The following RNF213 variants were observed in gnomAD, a reference collection of about 807,000 sequenced individuals.
RNF213 encodes ring finger protein 213, also known as E3 ubiquitin-protein ligase RNF213.
Under a neutral mutation model 514.4 loss-of-function variants are expected in RNF213, and 341 were observed. The observed-to-expected ratio is 0.66, with a 90% CI of 0.61 to 0.73. The LOEUF (loss-of-function observed/expected upper bound fraction) is 0.73, where lower values mean the gene tolerates loss of function less well. Ranked by LOEUF, RNF213 falls within the 30% of genes least tolerant of loss-of-function variation. The probability of loss-of-function intolerance (pLI) is 0.00; values close to 1 mark genes in which losing one functional copy is unlikely to be tolerated. For missense variants in RNF213, 5,767 were observed against 6,615.6 expected, an observed-to-expected ratio of 0.87 and a Z score of 4.45; for synonymous variants, 2,655 against 2,658.2, an observed-to-expected ratio of 1.00 and a Z score of 0.04.
chr17:80,381,517 G>A (rs369825556), intron 56 of RNF213, 30 bp from the exon 57 acceptor site: 53 of 1,612,222 alleles, frequency 3.3e-5, no homozygotes, highest in East Asian at 2.2e-4. Context: ...CCAGATCCCC[G>A]CTGAACACTC....
At chr17:80,391,338 T>C (rs1238671530) in intron 67 of RNF213, among the ~76,000 whole-genome samples, 2 of 152,228 alleles carry the variant, frequency 1.3e-5, no homozygotes, top group Non-Finnish European at 2.9e-5. Context: ...TGGCGCAATC[T>C]TGGCTTAGTG....
At chr17:80,355,581 T>C (rs74003748) in intron 36 of RNF213, among the ~76,000 whole-genome samples, 4,378 of 9,572 alleles carry the variant, frequency 0.46, 1,106 homozygotes, top group Non-Finnish European at 0.5. Context: ...GCGGGGTGAG[T>C]GGGAATGGGG....
rs913837637 is a variant in RNF213, at chr17:80,372,754, C to G, written c.12751+20C>G. 3.7e-6 allele frequency: 6 copies of G among 1,609,098 alleles called. No individual in the cohort carries two copies. In the African/African-American group the frequency reaches 6.7e-5, roughly 18 times the overall value. On this transcript the variant is annotated intron_variant, in intron 48 of 67. Coordinates refer to ENST00000582970, the MANE Select transcript of RNF213 (RefSeq NM_001256071.3). The stretch of plus-strand genomic sequence containing the variant: ...GCCCAGGCAAGTCTTCTCTGCCTTG[C>G]TTTCCTTTGGGTTTAAAGACTCCGT...
chr17:80,354,114 G>T lies in RNF213; in HGVS notation c.10674G>T (p.Met3558Ile). 6.2e-7 allele frequency: 1 copy of T among 1,614,116 alleles called. No individual in the cohort carries two copies. Among genetic ancestry groups the T allele is most frequent in the Non-Finnish European group, 8.5e-7 (1 of 1,180,036 alleles). The change falls in exon 35 of 68, where the codon ATG becomes ATT. Residue 3558 changes from methionine to isoleucine, a missense_variant. Physicochemically the swap from Met to Ile is conservative, Grantham distance 10 (BLOSUM62 1). Transcript: ENST00000582970. Reference protein sequence around the residue: ...RDQNESCTRNMRRVVLLLGLL... With the variant: ...RDQNESCTRNIRRVVLLLGLL... ...AGAACGAGAGCTGCACGCGCAATAT[G>T]CGGAGGGTGGTGCTCCTCCTGGGCC...
chr17:80,368,132 C>T lies in RNF213; in HGVS notation c.12144C>T (p.Ser4048=), dbSNP rs962966516. 3 of 1,614,122 alleles carry T rather than the reference C, an allele frequency of 1.9e-6. No individual in the cohort carries two copies. Among genetic ancestry groups the T allele is most frequent in the Non-Finnish European group, 2.5e-6 (3 of 1,180,034 alleles). Residue 4048 remains serine (S), a synonymous_variant, in exon 44 of 68, where the codon TCC becomes TCT. Coordinates refer to ENST00000582970, the MANE Select transcript of RNF213 (RefSeq NM_001256071.3). ...ALPDEFSPAV[S]QAHREAIEKH... The stretch of plus-strand genomic sequence containing the variant: ...CAGACGAATTCTCTCCAGCTGTTTC[C>T]CAAGCGCACAGGTACAACACCCTTT...
At chr17:80,304,656 A>T (rs1010460549) in intron 11 of RNF213, among the ~76,000 whole-genome samples, 2 of 146,102 alleles carry the variant, frequency 1.4e-5, no homozygotes, top group African/African-American at 2.7e-5. Context: ...ATAAATAAAT[A>T]AATAATAATA....
At chr17:80,336,610 C>G (rs905627513) in intron 23 of RNF213, 3 of 565,656 alleles carry the variant, frequency 5.3e-6, no homozygotes, top group Admixed American at 2.6e-5. Context: ...GCAAAACACA[C>G]GTGGAAAAAA....
chr17:80,352,734 T>C (rs1156428614), intron 32 of RNF213: 1 of 728,452 alleles, frequency 1.4e-6, no homozygotes, highest in East Asian at 2.5e-5. Context: ...ATGGTGAAGC[T>C]GTCGATGGGC....
At chr17:80,342,672 T>TATATACTTCC (rs1179164162) in intron 26 of RNF213, among the ~76,000 whole-genome samples, 1 of 146,932 alleles carries the variant, frequency 6.8e-6, no homozygotes, top group Non-Finnish European at 1.5e-5. Context: ...ATATATATTC[T>TATATACTTCC]ATATACTTCC....
chr17:80,379,066 C>T (rs911924485), intron 54 of RNF213, among the ~76,000 whole-genome samples: 18 of 152,028 alleles, frequency 1.2e-4, no homozygotes, highest in East Asian at 5.8e-4. Context: ...TGCGTGCATG[C>T]GTGTGGTCCC....
At chr17:80,292,993 C>T (rs2044790347) in intron 8 of RNF213, among the ~76,000 whole-genome samples, 1 of 152,186 alleles carries the variant, frequency 6.6e-6, no homozygotes, top group Non-Finnish European at 1.5e-5. Flanking sequence ...GTCACTCCAC[C>T]TTGGACAAAG....
Position 80,332,658 on chromosome 17 carries a change from G to C in RNF213, c.4143+27G>C, listed in dbSNP as rs763981460. 22 of 1,458,850 alleles carry C rather than the reference G, an allele frequency of 1.5e-5. No individual in the cohort carries two copies. In the South Asian group the frequency reaches 2.4e-4, roughly 16 times the overall value. 90.4% of individuals were successfully genotyped at this position (1,458,850 alleles called of 1,614,324 possible). A position where few individuals can be genotyped will look rare whatever the true frequency, so the allele number is the denominator to read the frequency against. ...TAAGTTATTTGCTGGGGACTGTGGG[G>C]GTTTGGAGGGGCGTCCTGCCTCAGC... On this transcript the variant is annotated intron_variant, in intron 21 of 67. Coordinates refer to ENST00000582970, the MANE Select transcript of RNF213 (RefSeq NM_001256071.3).
intron 1 of RNF213, among the ~76,000 whole-genome samples, chr17:80,262,943 G>C (rs76095531): frequency 0.019 from 2,900 of 152,296 alleles, 60 homozygotes; most frequent in East Asian, 0.11. Flanking sequence ...GAAGGTGGTG[G>C]GTGGGCCAGT....
At chr17:80,315,253 A>T (rs1190714688) in intron 15 of RNF213, among the ~76,000 whole-genome samples, 181 of 5,866 alleles carry the variant, frequency 0.031, 6 homozygotes, top group Middle Eastern at 0.062. Flanking sequence ...ATGGTGGTGG[A>T]CGTGATGGTG....
rs1462366992 is a variant in RNF213, at chr17:80,339,248, C to T, written c.4881C>T (p.His1627=). Residue 1627 remains histidine (H), a synonymous_variant, in exon 26 of 68, where the codon CAC becomes CAT. Coordinates refer to ENST00000582970, the MANE Select transcript of RNF213 (RefSeq NM_001256071.3). Reference sequence around the variant, plus strand: ...TCAGCCAGGCCTTCATCGACCTGCACTCTGCTGGGAATATGCTGTTCAGGA... The same window carrying T: ...TCAGCCAGGCCTTCATCGACCTGCATTCTGCTGGGAATATGCTGTTCAGGA... ...QRLSQAFIDL[H]SAGNMLFRTW... is the part of the protein sequence containing the mutation. The T allele has an allele frequency of 4.6e-6, 7 of 1,517,582 alleles. No homozygotes were observed. Among genetic ancestry groups the T allele is most frequent in the Non-Finnish European group, 5.3e-6 (6 of 1,134,942 alleles). The allele number at this position is 1,517,582 out of a possible 1,614,324, so 94.0% of individuals were successfully genotyped here. A position where few individuals can be genotyped will look rare whatever the true frequency, so the allele number is the denominator to read the frequency against.
chr17:80,357,626 C>T lies in RNF213; in HGVS notation c.10863-662C>T, dbSNP rs547677036. Among the ~76,000 whole-genome samples, 3 of 152,112 alleles carry T rather than the reference C, an allele frequency of 2.0e-5. No homozygotes were observed. In the South Asian group the frequency reaches 6.2e-4, roughly 32 times the overall value. On this transcript the variant is annotated intron_variant, in intron 36 of 67. Coordinates refer to ENST00000582970, the MANE Select transcript of RNF213 (RefSeq NM_001256071.3). ...TCATAATTTTATTTATTTAGAGAAC[C>T]TCGATGACTTGTTCTGAAAAATAGT...
intron 2 of RNF213, among the ~76,000 whole-genome samples, chr17:80,268,659 C>T (rs2043695829): frequency 1.4e-5 from 2 of 143,904 alleles, no homozygotes; most frequent in African/African-American, 5.2e-5. Context: ...ATCTATCTGT[C>T]ATCTGTCTTC....
At chr17:80,272,027 G>A (rs1055944946) in intron 2 of RNF213, among the ~76,000 whole-genome samples, 2 of 151,722 alleles carry the variant, frequency 1.3e-5, no homozygotes, top group Non-Finnish European at 1.5e-5. Context: ...GCTCACACCT[G>A]TAATCCCAGC....
chr17:80,291,912 C>A, intron 8 of RNF213, 85 bp downstream of exon 8: 1 of 1,468,886 alleles, frequency 6.8e-7, no homozygotes, highest in Admixed American at 1.8e-5. Flanking sequence ...CTCTGGAGAG[C>A]ACAGACTTTG....
Sources: allele counts gnomAD v4.1 joint callset (sites outside exome capture counted in the v4.1 genomes callset), GRCh38; gene constraint gnomAD v4.1.1; transcripts MANE v1.5; gene names NCBI Gene and HGNC (gene_info 2026-07-23, HGNC 2026-07-21).